The following KIF26B variants were observed in gnomAD, a reference collection of about 807,000 sequenced individuals.
KIF26B encodes kinesin family member 26B.
In KIF26B, 63 loss-of-function variants were observed where a neutral mutation model predicts 151.2. The ratio of observed to expected loss-of-function variants is 0.42; its 90% confidence interval spans 0.34 to 0.51. The LOEUF (loss-of-function observed/expected upper bound fraction) is 0.51. KIF26B is among the 20% of genes least tolerant of loss of function. The pLI, the probability that KIF26B is intolerant of heterozygous loss-of-function variation, is 0.07. For missense variants in KIF26B, 2,813 were observed against 2,913.6 expected (o/e 0.97, Z 0.79); for synonymous variants, 1,357 against 1,262.1 (o/e 1.08, Z -1.59).
chr1:245,207,428 C>T (rs370449645), intron 2 of KIF26B, among the ~76,000 whole-genome samples: 6 of 152,092 alleles, frequency 3.9e-5, no homozygotes, highest in East Asian at 1.9e-4. Flanking sequence ...ACAACTTTGG[C>T]GGGAAGAGCT....
chr1:245,396,078 G>A (rs1179751451), intron 3 of KIF26B, among the ~76,000 whole-genome samples: 1 of 152,148 alleles, frequency 6.6e-6, no homozygotes, highest in Non-Finnish European at 1.5e-5. Flanking sequence ...TTGGCAGCAG[G>A]CTTGTGACGT....
intron 2 of KIF26B, among the ~76,000 whole-genome samples, chr1:245,159,797 C>T (rs1470338297): frequency 1.3e-5 from 2 of 152,104 alleles, no homozygotes; most frequent in Non-Finnish European, 2.9e-5. Context: ...CTGGTTGGTT[C>T]CAGGAGCTAG....
chr1:245,306,518 A>G (rs1437935712), intron 2 of KIF26B, among the ~76,000 whole-genome samples: 2 of 152,240 alleles, frequency 1.3e-5, no homozygotes, highest in South Asian at 2.1e-4. Flanking sequence ...TTATATTTCA[A>G]TAGAGCTGTT....
In KIF26B at chr1:245,687,909, C is replaced by T. The variant is rs2044555538; in HGVS notation, c.4926C>T (p.Ser1642=). Residue 1642 remains serine (S), a synonymous_variant, in exon 12 of 15, where the codon AGC becomes AGT. Coordinates refer to ENST00000407071, the MANE Select transcript of KIF26B (RefSeq NM_018012.4). This position sits in a 1 kb window ranked among gnomAD's most constrained non-coding sequence, Gnocchi z 4.9. ...CGGCGGGCCTCCCAGACGAGCCTAG[C>T]GGCAAGACGAAGGACGCCAGCAGCA... ...AFPAGLPDEP[S]GKTKDASSSS... is the part of the protein sequence containing the mutation. 7 of 1,592,352 alleles carry T rather than the reference C, an allele frequency of 4.4e-6. No homozygotes were observed. The highest frequency in any genetic ancestry group is 6.0e-6 in the Non-Finnish European group (7 of 1,171,312).
At chr1:245,268,470 A>AAATAAT (rs59590596) in intron 2 of KIF26B, among the ~76,000 whole-genome samples, 3,206 of 134,704 alleles carry the variant, frequency 0.024, 58 homozygotes, top group Non-Finnish European at 0.031. Flanking sequence ...CTCCATCTCC[A>AAATAAT]AATAATAATA....
At chr1:245,604,624 A>C (rs1324064447) in intron 6 of KIF26B, among the ~76,000 whole-genome samples, 2 of 152,226 alleles carry the variant, frequency 1.3e-5, no homozygotes, top group Non-Finnish European at 2.9e-5. Context: ...ATTCCAAAGC[A>C]AACCCTAAAT....
chr1:245,190,174 C>G (rs1345079863), intron 2 of KIF26B, among the ~76,000 whole-genome samples: 2 of 152,172 alleles, frequency 1.3e-5, no homozygotes, highest in Non-Finnish European at 2.9e-5. Context: ...CCCCCTGGGT[C>G]CCTCCCACAG....
At chr1:245,464,334 T>G (rs1659716501) in intron 4 of KIF26B, among the ~76,000 whole-genome samples, 1 of 152,148 alleles carries the variant, frequency 6.6e-6, no homozygotes, top group African/African-American at 2.4e-5. Flanking sequence ...CCCGACCCAG[T>G]GAGCACGTGT....
chr1:245,334,399 T>C (rs571183180), intron 2 of KIF26B, among the ~76,000 whole-genome samples: 1 of 152,360 alleles, frequency 6.6e-6, no homozygotes, highest in East Asian at 1.9e-4. Context: ...TTGCCCTTCA[T>C]TTCTTTGCCT....
chr1:245,341,398 C>T lies in KIF26B; in HGVS notation c.466-25436C>T, dbSNP rs571419658. On this transcript the variant is annotated intron_variant, in intron 2 of 14. Transcript: ENST00000407071. ...TGCAGTGGCACAGTATGGCTCACCA[C>T]AGCCTCAACCTCCCAGATTCCAGAG... Among the ~76,000 whole-genome samples, 7 of 146,806 alleles carry T rather than the reference C, an allele frequency of 4.8e-5. No individual in the cohort carries two copies. In the East Asian group the frequency reaches 1.2e-3, roughly 26 times the overall value.
chr1:245,594,213 T>G (rs2043318405), intron 5 of KIF26B, among the ~76,000 whole-genome samples: 1 of 152,370 alleles, frequency 6.6e-6, no homozygotes, highest in East Asian at 1.9e-4. Flanking sequence ...TGCCATTGCT[T>G]TTGGTGTTTT....
At chr1:245,525,288 G>A (rs1661214071) in intron 4 of KIF26B, among the ~76,000 whole-genome samples, 1 of 152,198 alleles carries the variant, frequency 6.6e-6, no homozygotes. Flanking sequence ...AGGAAGTGAA[G>A]AATCTTATAT....
At chr1:245,536,629 C>T (rs903445486) in intron 4 of KIF26B, among the ~76,000 whole-genome samples, 7 of 152,188 alleles carry the variant, frequency 4.6e-5, no homozygotes, top group Admixed American at 4.6e-4. Flanking sequence ...TTTATCATCT[C>T]TCGAGGTTTC....
chr1:245,580,915 C>T (rs1203071637), intron 5 of KIF26B, among the ~76,000 whole-genome samples: 1 of 152,232 alleles, frequency 6.6e-6, no homozygotes, highest in Non-Finnish European at 1.5e-5. Context: ...GATTTCCAGT[C>T]ATCTCTTTTG....
At chr1:245,204,589 G>T (rs1204595466) in intron 2 of KIF26B, among the ~76,000 whole-genome samples, 2 of 152,058 alleles carry the variant, frequency 1.3e-5, no homozygotes, top group Admixed American at 6.5e-5. Flanking sequence ...GGCCAGGCTG[G>T]TCTCGAGCTC....
intron 2 of KIF26B, among the ~76,000 whole-genome samples, chr1:245,171,357 C>G (rs1040086027): frequency 6.6e-6 from 1 of 152,214 alleles, no homozygotes; most frequent in African/African-American, 2.4e-5. Context: ...GCCTGACCAA[C>G]ATGGTGAAAC....
chr1:245,574,737 AG>A (rs2103125003), intron 5 of KIF26B, among the ~76,000 whole-genome samples: 1 of 152,280 alleles, frequency 6.6e-6, no homozygotes, highest in African/African-American at 2.4e-5. Context: ...ACGGGGAGTC[AG>A]GGTGGCTTCT....
intron 9 of KIF26B, among the ~76,000 whole-genome samples, chr1:245,628,388 G>A (rs2043746961): frequency 6.6e-6 from 1 of 152,240 alleles, no homozygotes; most frequent in Non-Finnish European, 1.5e-5. Context: ...GGCTGAGGCA[G>A]GAGAATCACT....
chr1:245,418,715 A>G (rs1221876264), intron 3 of KIF26B, among the ~76,000 whole-genome samples: 1 of 152,170 alleles, frequency 6.6e-6, no homozygotes, highest in African/African-American at 2.4e-5. Flanking sequence ...TTTTGCAAGT[A>G]GACTGAAGAT....
Sources: allele counts gnomAD v4.1 joint callset (sites outside exome capture counted in the v4.1 genomes callset), GRCh38; gene constraint gnomAD v4.1.1; non-coding constraint Gnocchi (gnomAD v3.1); transcripts MANE v1.5; gene names NCBI Gene and HGNC (gene_info 2026-07-23, HGNC 2026-07-21).